AGMAT: variants seen among roughly 807,000 people sequenced by gnomAD.
AGMAT encodes guanidino acid hydrolase, mitochondrial.
In AGMAT, 37 loss-of-function variants were observed where a neutral mutation model predicts 29.3. The observed-to-expected ratio is 1.26, with a 90% CI of 0.97 to 1.66. AGMAT has a LOEUF of 1.66. AGMAT is among the 40% of genes most tolerant of loss of function. AGMAT has a pLI of 0.00. For synonymous variants in AGMAT, 199 were observed against 200.8 expected, an observed-to-expected ratio of 0.99 and a Z score of 0.08; for missense variants, 498 against 497.8, an observed-to-expected ratio of 1.00 and a Z score of 0.00.
At chr1:15,581,627 C>T (rs1373561941) in intron 2 of AGMAT, among the ~76,000 whole-genome samples, 2 of 91,314 alleles carry the variant, frequency 2.2e-5, no homozygotes, top group Non-Finnish European at 4.2e-5. Flanking sequence ...GTAATCCCAG[C>T]ATTTTGGGAA....
At chr1:15,580,201 CTTT>C (rs34166013) in intron 2 of AGMAT, 59 bp from the exon 3 acceptor site, 9,541 of 560,222 alleles carry the variant, frequency 0.017, no homozygotes, top group East Asian at 0.034. Flanking sequence ...ATAGAATAAT[CTTT>C]TTTTTTTTTT....
chr1:15,583,170 T>C, intron 2 of AGMAT, 23 bp downstream of exon 2: 1 of 1,612,090 alleles, frequency 6.2e-7, no homozygotes, highest in Non-Finnish European at 8.5e-7. Context: ...GGAACTACTC[T>C]GGCTCTTGCA....
rs748817164 is a variant in AGMAT, at chr1:15,578,843, G to C, written c.720+16C>G. 1 of 1,611,276 alleles carries C rather than the reference G, an allele frequency of 6.2e-7. No homozygotes were observed. Among genetic ancestry groups the C allele is most frequent in the Non-Finnish European group, 8.5e-7 (1 of 1,177,880 alleles). On this transcript the variant is annotated intron_variant, in intron 4 of 6. Coordinates refer to ENST00000375826, the MANE Select transcript of AGMAT (RefSeq NM_024758.5). ...ACATTTTGAGGGGCAAGGGTGGGGGGCATTCGGTCTGTCACCTGGCTCCGG... is the reference window on the plus strand; with the variant it reads ...ACATTTTGAGGGGCAAGGGTGGGGGCCATTCGGTCTGTCACCTGGCTCCGG...
In AGMAT at chr1:15,572,099, C is replaced by T. The variant is rs564818499; in HGVS notation, c.*1552G>A. ...GGCGGAGATTGCAGTGAGCTAAGAT[C>T]GGGCCACTGCACTCCAGCCTGGGGG... On this transcript the variant is annotated 3_prime_UTR_variant, in exon 7 of 7. Transcript: ENST00000375826. 3.8e-5 allele frequency among the ~76,000 whole-genome samples: 5 copies of T among 131,882 alleles called. No homozygotes were observed. Among genetic ancestry groups the T allele is most frequent in the South Asian group, 2.7e-4 (1 of 3,752 alleles). 86.5% of individuals were successfully genotyped at this position (131,882 alleles called of 152,430 possible).
Position 15,577,693 on chromosome 1 carries a change from G to A in AGMAT, c.892C>T (p.Pro298Ser), listed in dbSNP as rs753881523. The change falls in exon 5 of 7, where the codon CCT becomes TCT. Residue 298 changes from proline to serine, a missense_variant. Transcript: ENST00000375826. ...TGGTGGAATCTCCTTACCTGACTAG[G>A]AGTGAGACCAGCAATTTCAGGTGTC... ...TGTPEIAGLT[P>S]SQALEIIRGC... 3 of 1,613,372 alleles carry A rather than the reference G, an allele frequency of 1.9e-6. No homozygotes were observed. In the African/African-American group the frequency reaches 4.0e-5, roughly 22 times the overall value.
At chr1:15,580,221 T>A in intron 2 of AGMAT, 79 bp from the exon 3 acceptor site, 1 of 1,230,398 alleles carries the variant, frequency 8.1e-7, no homozygotes, top group Non-Finnish European at 1.2e-6. Flanking sequence ...TTTTTTTTTT[T>A]TTGAGATGTA....
intron 1 of AGMAT, among the ~76,000 whole-genome samples, chr1:15,584,155 T>G (rs978994370): frequency 6.6e-6 from 1 of 152,154 alleles, no homozygotes; most frequent in Non-Finnish European, 1.5e-5. Flanking sequence ...TCTTTTTTCT[T>G]TTTTTGAGAC....
At position 15,583,307 on chromosome 1, in the gene AGMAT, C is replaced by T; in HGVS notation, c.361G>A (p.Val121Ile). 6.2e-7 allele frequency: 1 copy of T among 1,614,146 alleles called. No individual in the cohort carries two copies. The highest frequency in any genetic ancestry group is 8.5e-7 in the Non-Finnish European group (1 of 1,180,032). The change falls in exon 2 of 7, where the codon GTT becomes ATT. Residue 121 changes from valine to isoleucine, a missense_variant. Coordinates refer to ENST00000375826, the MANE Select transcript of AGMAT (RefSeq NM_024758.5). ...TGALPFQSLM[V>I]ADLGDVNVNL... Reference sequence around the variant, plus strand: ...ACATTCACATCGCCTAGGTCTGCAACCATGAGGGACTGGAAGGGGAGGGCC... The same window carrying T: ...ACATTCACATCGCCTAGGTCTGCAATCATGAGGGACTGGAAGGGGAGGGCC...
intron 1 of AGMAT, among the ~76,000 whole-genome samples, 163 bp downstream of exon 1, chr1:15,584,533 A>AG (rs1307841612): frequency 1.3e-5 from 2 of 152,066 alleles, no homozygotes; most frequent in African/African-American, 2.4e-5. Flanking sequence ...TTGAGGGTCC[A>AG]GGTAAATCAA....
intron 2 of AGMAT, among the ~76,000 whole-genome samples, chr1:15,582,687 G>T (rs907559604): frequency 6.6e-6 from 1 of 152,114 alleles, no homozygotes; most frequent in Non-Finnish European, 1.5e-5. Context: ...AGTTCTCCTC[G>T]CAAATAAAGT....
chr1:15,583,420 C>G, intron 1 of AGMAT, 25 bp from the exon 2 acceptor site: 1 of 1,595,246 alleles, frequency 6.3e-7, no homozygotes, highest in Non-Finnish European at 8.5e-7. Flanking sequence ...ATCATCCTGT[C>G]AGCCATCATC....
intron 4 of AGMAT, among the ~76,000 whole-genome samples, chr1:15,578,451 C>T (rs1267014510): frequency 2.0e-5 from 3 of 152,096 alleles, no homozygotes; most frequent in Non-Finnish European, 4.4e-5. Flanking sequence ...CGCACCGCCA[C>T]ACCTGGCTAA....
chr1:15,579,731 C>T (rs1179357464), intron 3 of AGMAT, among the ~76,000 whole-genome samples: 1 of 152,196 alleles, frequency 6.6e-6, no homozygotes. Flanking sequence ...GCAAGGTCCA[C>T]CATTGTGCCT....
At chr1:15,580,912 T>C (rs1254314700) in intron 2 of AGMAT, among the ~76,000 whole-genome samples, 1 of 148,826 alleles carries the variant, frequency 6.7e-6, no homozygotes, top group Non-Finnish European at 1.5e-5. Flanking sequence ...GAAGCGGAGG[T>C]TGCGGTGAGC....
At chr1:15,578,289 C>T (rs1267674529) in intron 4 of AGMAT, among the ~76,000 whole-genome samples, 2 of 151,730 alleles carry the variant, frequency 1.3e-5, no homozygotes, top group Non-Finnish European at 2.9e-5. Flanking sequence ...GTCCGGACTT[C>T]CTCCCCTCTT....
intron 5 of AGMAT, chr1:15,575,729 T>TTTTATTTATTTATTTA (rs78080274): frequency 1.4e-5 from 2 of 142,702 alleles, no homozygotes; most frequent in African/African-American, 2.5e-5. Flanking sequence ...TCACATGCAC[T>TTTTATTTATTTATTTA]TTTATTTATT....
At position 15,577,833 on chromosome 1, in the gene AGMAT, C is replaced by T. The variant is rs1418499760; in HGVS notation, c.752G>A (p.Trp251Ter). Residue 251 changes from tryptophan to a stop codon, truncating the protein, a stop_gained, in exon 5 of 7, where the codon TGG (tryptophan) becomes TAG (stop). Coordinates refer to ENST00000375826, the MANE Select transcript of AGMAT (RefSeq NM_024758.5). LOFTEE classifies it high-confidence loss of function. Reference sequence around the variant, plus strand: ...CATCAGAGGAACCAGCGACTTCATCCAGCAGTCTTCAGCCAGGACTACCCG... The same window carrying T: ...CATCAGAGGAACCAGCGACTTCATCTAGCAGTCTTCAGCCAGGACTACCCG... ...GFRVVLAEDC[W>*]MKSLVPLMGE... The T allele has an allele frequency of 6.2e-7, 1 of 1,614,172 alleles. No individual in the cohort carries two copies. The highest frequency in any genetic ancestry group is 8.5e-7 in the Non-Finnish European group (1 of 1,180,014).
chr1:15,581,196 A>C (rs982277633), intron 2 of AGMAT, among the ~76,000 whole-genome samples: 2 of 151,984 alleles, frequency 1.3e-5, no homozygotes, highest in African/African-American at 4.8e-5. Flanking sequence ...AAAAATACAA[A>C]AATTAGCTGG....
rs183423111 is a variant in AGMAT at position 15,581,819 on chromosome 1, G to A, written c.475+1374C>T. Among the ~76,000 whole-genome samples the A allele has an allele frequency of 3.4e-3, 509 of 151,592 alleles. 1 individual carries two copies. The highest frequency in any genetic ancestry group is 0.012 in the African/African-American group (484 of 41,330). ...GGACCCAGGAGGCGGAGGTTGCCGT[G>A]AGCCAAGCGGGACAACAAGAGCAAA... On this transcript the variant is annotated intron_variant, in intron 2 of 6. Coordinates refer to ENST00000375826, the MANE Select transcript of AGMAT (RefSeq NM_024758.5).
Sources: allele counts gnomAD v4.1 joint callset (sites outside exome capture counted in the v4.1 genomes callset), GRCh38; gene constraint gnomAD v4.1.1; transcripts MANE v1.5; gene names NCBI Gene and HGNC (gene_info 2026-07-23, HGNC 2026-07-21).